Variants in TTC7B observed in about 807,000 individuals in gnomAD.
TTC7B encodes the protein tetratricopeptide repeat domain 7B, also known as tetratricopeptide repeat protein 7B.
A neutral mutation model predicts 106.8 loss-of-function variants in TTC7B; 28 were observed. The ratio of observed to expected loss-of-function variants is 0.26; its 90% confidence interval spans 0.19 to 0.36. TTC7B has a LOEUF of 0.36. TTC7B is among the 10% of genes least tolerant of loss of function. The pLI is 1.00. For synonymous variants in TTC7B, 405 were observed against 430.6 expected (o/e 0.94, Z 0.74); for missense variants, 862 against 1,076.4 (o/e 0.80, Z 2.79).
intron 15 of TTC7B, among the ~76,000 whole-genome samples, chr14:90,638,394 G>A (rs1483207715): frequency 6.6e-6 from 1 of 152,172 alleles, no homozygotes; most frequent in Non-Finnish European, 1.5e-5. Flanking sequence ...GCTGGGTCAA[G>A]AAGAATGTGC....
At chr14:90,762,337 A>G (rs1890527684) in intron 3 of TTC7B, among the ~76,000 whole-genome samples, 1 of 152,206 alleles carries the variant, frequency 6.6e-6, no homozygotes, top group Non-Finnish European at 1.5e-5. Context: ...GGCAGAAACC[A>G]CTGACTTGGG....
intron 1 of TTC7B, among the ~76,000 whole-genome samples, chr14:90,795,038 GC>G (rs1265376109): frequency 6.6e-6 from 1 of 152,078 alleles, no homozygotes; most frequent in Non-Finnish European, 1.5e-5. Context: ...GTGTCCAGCT[GC>G]AAGGTAGAAC....
At chr14:90,776,652 C>A (rs79756110) in intron 3 of TTC7B, among the ~76,000 whole-genome samples, 4 of 152,214 alleles carry the variant, frequency 2.6e-5, no homozygotes, top group African/African-American at 9.6e-5. Flanking sequence ...AGGGTATTCT[C>A]GAGTGACCTG....
At chr14:90,780,452 AAAAG>A (rs1265265875) in intron 3 of TTC7B, among the ~76,000 whole-genome samples, 10 of 117,734 alleles carry the variant, frequency 8.5e-5, no homozygotes, top group South Asian at 5.3e-4. Flanking sequence ...AGAAGGAAAG[AAAAG>A]AAAGAAAGAA....
At chr14:90,625,180 A>G (rs1432009802) in intron 15 of TTC7B, among the ~76,000 whole-genome samples, 1 of 152,248 alleles carries the variant, frequency 6.6e-6, no homozygotes, top group African/African-American at 2.4e-5. Flanking sequence ...CAACTGGCCA[A>G]TCAGAATGGT....
chr14:90,809,215 A>G (rs1218838426), intron 1 of TTC7B, among the ~76,000 whole-genome samples: 1 of 152,208 alleles, frequency 6.6e-6, no homozygotes, highest in African/African-American at 2.4e-5. Context: ...TTTCCAGGGG[A>G]AAAAGAGAGA....
chr14:90,606,232 T>C (rs1892633445), intron 17 of TTC7B, among the ~76,000 whole-genome samples: 1 of 152,132 alleles, frequency 6.6e-6, no homozygotes, highest in Non-Finnish European at 1.5e-5. Context: ...GTCCCAGCAT[T>C]ATGACAAGGG....
At chr14:90,756,061 T>G (rs914459592) in intron 3 of TTC7B, among the ~76,000 whole-genome samples, 4 of 152,220 alleles carry the variant, frequency 2.6e-5, no homozygotes, top group African/African-American at 9.6e-5. Context: ...AGCCACAACC[T>G]TACTAACACA....
intron 6 of TTC7B, among the ~76,000 whole-genome samples, chr14:90,695,124 T>G (rs1887679603): frequency 7.3e-6 from 1 of 136,850 alleles, no homozygotes; most frequent in Non-Finnish European, 1.5e-5. Flanking sequence ...AATAGGTATA[T>G]TTTATATACA....
At chr14:90,677,695 G>A (rs1268943729) in intron 8 of TTC7B, 2 of 359,992 alleles carry the variant, frequency 5.6e-6, no homozygotes, top group Admixed American at 3.7e-5. Context: ...GCAGGCTGAC[G>A]TTGATCTTCC....
chr14:90,791,605 G>A (rs762720060), intron 1 of TTC7B, among the ~76,000 whole-genome samples: 8 of 152,152 alleles, frequency 5.3e-5, no homozygotes, highest in Admixed American at 5.2e-4. Flanking sequence ...TATGACGATG[G>A]GATGGGAGCA....
chr14:90,567,537 G>C (rs1432269458), intron 19 of TTC7B: 1 of 152,162 alleles, frequency 6.6e-6, no homozygotes, highest in African/African-American at 2.4e-5. Flanking sequence ...AAGTTCTCTA[G>C]GGCAGCGTTA....
At chr14:90,563,570 C>G (rs950131562) in intron 19 of TTC7B, among the ~76,000 whole-genome samples, 2 of 152,150 alleles carry the variant, frequency 1.3e-5, no homozygotes, top group South Asian at 2.1e-4. Context: ...AGGTGAGGCC[C>G]TGGGGCAGTT....
intron 1 of TTC7B, among the ~76,000 whole-genome samples, chr14:90,798,266 G>A (rs949580797): frequency 6.6e-6 from 1 of 152,146 alleles, no homozygotes; most frequent in Non-Finnish European, 1.5e-5. Flanking sequence ...ACCCATAGCA[G>A]GCCACTGATG....
At chr14:90,669,289 A>T (rs778906802) in intron 9 of TTC7B, among the ~76,000 whole-genome samples, 10 of 152,188 alleles carry the variant, frequency 6.6e-5, no homozygotes, top group Non-Finnish European at 1.0e-4. Context: ...AACCTTCATG[A>T]CCTTGGATTT....
At chr14:90,574,124 T>G (rs1891160819) in intron 19 of TTC7B, among the ~76,000 whole-genome samples, 1 of 152,216 alleles carries the variant, frequency 6.6e-6, no homozygotes, top group Non-Finnish European at 1.5e-5. Flanking sequence ...TGAGCCATGC[T>G]TCTCTCCTCT....
intron 19 of TTC7B, among the ~76,000 whole-genome samples, chr14:90,548,259 T>C (rs1889921222): frequency 6.6e-6 from 1 of 152,138 alleles, no homozygotes; most frequent in South Asian, 2.1e-4. Context: ...GGGCCACTGA[T>C]GGGTAGGAAG....
Position 90,540,884 on chromosome 14 carries a change from T to G in TTC7B, c.*484A>C, listed in dbSNP as rs1889550772. 6.4e-6 allele frequency: 1 copy of G among 156,178 alleles called. No homozygotes were observed. The highest frequency in any genetic ancestry group is 2.4e-5 in the African/African-American group (1 of 41,582). 9.7% of individuals were successfully genotyped at this position (156,178 alleles called of 1,614,324 possible). On this transcript the variant is annotated 3_prime_UTR_variant, in exon 20 of 20. Transcript: ENST00000328459. ...ACAGTAAAACCAAGAAATTGTCAGCTGGTGTCCTGGCATGGACTAGTGCTG... is the reference window on the plus strand; with the variant it reads ...ACAGTAAAACCAAGAAATTGTCAGCGGGTGTCCTGGCATGGACTAGTGCTG...
chr14:90,732,121 C>CA (rs1360470416), intron 4 of TTC7B, among the ~76,000 whole-genome samples: 2 of 151,910 alleles, frequency 1.3e-5, no homozygotes, highest in Non-Finnish European at 2.9e-5. Flanking sequence ...AATCATTTTA[C>CA]AAAAAAATGA....
Sources: allele counts gnomAD v4.1 joint callset (sites outside exome capture counted in the v4.1 genomes callset), GRCh38; gene constraint gnomAD v4.1.1; transcripts MANE v1.5; gene names NCBI Gene and HGNC (gene_info 2026-07-23, HGNC 2026-07-21).